The following SAMTOR variants were observed in gnomAD, a reference collection of about 807,000 sequenced individuals.
SAMTOR encodes UPF0532 protein C7orf60.
chr7:112,828,836 T>C, the SAMTOR span, among the ~76,000 whole-genome samples: 3 of 152,218 alleles, frequency 2.0e-5, no homozygotes, highest in Non-Finnish European at 2.9e-5. Context: ...AGAAAATCGA[T>C]TTCATCTTCA....
chr7:112,867,010 A>G, the SAMTOR span, among the ~76,000 whole-genome samples: 1 of 152,340 alleles, frequency 6.6e-6, no homozygotes, highest in South Asian at 2.1e-4. Context: ...TTTCCCCTGC[A>G]TATGCCATTG....
At chr7:112,835,380 G>A in the SAMTOR span, among the ~76,000 whole-genome samples, 8 of 152,084 alleles carry the variant, frequency 5.3e-5, no homozygotes, top group African/African-American at 1.7e-4. Context: ...TGGGCAAGTG[G>A]ATGGACACTA....
At chr7:112,903,266 C>T in the SAMTOR span, among the ~76,000 whole-genome samples, 5 of 151,322 alleles carry the variant, frequency 3.3e-5, no homozygotes, top group South Asian at 2.1e-4. Context: ...GAGCCCAGAT[C>T]GTATCACTGC....
the SAMTOR span, among the ~76,000 whole-genome samples, chr7:112,873,507 C>T: frequency 2.0e-5 from 3 of 152,054 alleles, no homozygotes; most frequent in South Asian, 2.1e-4. Flanking sequence ...AATCTGGCTA[C>T]CCACATGCAG....
the SAMTOR span, among the ~76,000 whole-genome samples, chr7:112,913,899 C>G: frequency 1.3e-5 from 2 of 152,156 alleles, no homozygotes; most frequent in Admixed American, 1.3e-4. Flanking sequence ...TCTCATGGTG[C>G]TCACCACTGT....
chr7:112,824,510 G>C, the SAMTOR span, among the ~76,000 whole-genome samples: 1 of 151,818 alleles, frequency 6.6e-6, no homozygotes, highest in Non-Finnish European at 1.5e-5. Context: ...CTACAGGCAC[G>C]CACCACCATG....
At chr7:112,876,471 T>A in the SAMTOR span, among the ~76,000 whole-genome samples, 1 of 152,154 alleles carries the variant, frequency 6.6e-6, no homozygotes, top group Non-Finnish European at 1.5e-5. Context: ...CCCCACAATA[T>A]ATCTTCTACT....
chr7:112,843,414 A>G, the SAMTOR span, among the ~76,000 whole-genome samples: 3 of 152,008 alleles, frequency 2.0e-5, no homozygotes, highest in South Asian at 2.1e-4. Flanking sequence ...TCTGATATAT[A>G]TAACTACAAT....
At chr7:112,922,805 C>T in the SAMTOR span, among the ~76,000 whole-genome samples, 2 of 151,474 alleles carry the variant, frequency 1.3e-5, 1 homozygote, top group South Asian at 4.2e-4. Context: ...CCCCGCCAGG[C>T]CAGCCGCCCC....
chr7:112,925,389 T>A, the SAMTOR span, among the ~76,000 whole-genome samples: 1 of 152,246 alleles, frequency 6.6e-6, no homozygotes, highest in Non-Finnish European at 1.5e-5. Flanking sequence ...TTATATGTGC[T>A]GTTAATAGGA....
At chr7:112,847,780 A>AAAAAAAAAAAAAAAAAAAG in the SAMTOR span, among the ~76,000 whole-genome samples, 2 of 152,148 alleles carry the variant, frequency 1.3e-5, no homozygotes, top group African/African-American at 4.8e-5. Context: ...CTCTGTCTCA[A>AAAAAAAAAAAAAAAAAAAG]AAGAAAAGAA....
chr7:112,900,264 G>C, the SAMTOR span, among the ~76,000 whole-genome samples: 3 of 152,154 alleles, frequency 2.0e-5, no homozygotes, highest in African/African-American at 4.8e-5. Flanking sequence ...CCAAAGGCTT[G>C]AGAACTATTT....
At chr7:112,862,168 T>C in the SAMTOR span, among the ~76,000 whole-genome samples, 5 of 152,116 alleles carry the variant, frequency 3.3e-5, no homozygotes, top group Non-Finnish European at 7.4e-5. Context: ...GGCAGGAGAA[T>C]TGTTTGAGCC....
At chr7:112,928,107 G>T in the SAMTOR span, among the ~76,000 whole-genome samples, 1 of 151,936 alleles carries the variant, frequency 6.6e-6, no homozygotes, top group East Asian at 1.9e-4. Flanking sequence ...ATAACTTTGT[G>T]ATTAAGACAT....
the SAMTOR span, chr7:112,939,306 C>A: frequency 2.0e-6 from 1 of 490,728 alleles, no homozygotes; most frequent in East Asian, 3.8e-5. Flanking sequence ...GCCGAGACAA[C>A]AACCTCAGCA....
At chr7:112,871,115 T>C in the SAMTOR span, among the ~76,000 whole-genome samples, 1 of 152,062 alleles carries the variant, frequency 6.6e-6, no homozygotes, top group Non-Finnish European at 1.5e-5. Flanking sequence ...CTTAGATCAT[T>C]GAGGCAAAAA....
chr7:112,869,464 T>C, the SAMTOR span, among the ~76,000 whole-genome samples: 2 of 151,232 alleles, frequency 1.3e-5, no homozygotes, highest in African/African-American at 4.9e-5. Context: ...AGAAACTATC[T>C]GCAACCAAGG....
chr7:112,920,104 C>A, the SAMTOR span, among the ~76,000 whole-genome samples: 1 of 152,168 alleles, frequency 6.6e-6, no homozygotes, highest in African/African-American at 2.4e-5. Flanking sequence ...TTTTATGAGG[C>A]CAGCATCATC....
the SAMTOR span, among the ~76,000 whole-genome samples, chr7:112,862,409 T>C: frequency 6.6e-6 from 1 of 152,214 alleles, no homozygotes; most frequent in Non-Finnish European, 1.5e-5. Flanking sequence ...TTGGCACTAT[T>C]GGGCATTCGG....
Sources: gnomAD v4.1 joint callset for allele counts (sites outside exome capture counted in the v4.1 genomes callset) on GRCh38, gnomAD v4.1.1 for gene constraint, MANE v1.5 for transcripts, NCBI Gene and HGNC (gene_info 2026-07-23, HGNC 2026-07-21) for gene names.